The following NCOA4 variants were observed in gnomAD, a reference collection of about 807,000 sequenced individuals.
The protein encoded by NCOA4 is nuclear receptor coactivator 4.
NCOA4 carries 31 observed loss-of-function variants against 69.5 expected under a neutral mutation model. The ratio of observed to expected loss-of-function variants is 0.45; its 90% confidence interval spans 0.34 to 0.60. NCOA4 has a LOEUF of 0.60. Among genes scored for constraint, NCOA4 ranks in the 20% least tolerant of loss-of-function variants. The pLI is 0.02. For synonymous variants in NCOA4, 228 were observed against 252.4 expected (o/e 0.90, Z 0.92); for missense variants, 600 against 719.2 (o/e 0.83, Z 1.90).
At chr10:46,016,042 G>A (rs1409283052) in intron 2 of NCOA4, among the ~76,000 whole-genome samples, 3 of 152,052 alleles carry the variant, frequency 2.0e-5, no homozygotes, top group Non-Finnish European at 4.4e-5. Flanking sequence ...GTAATACTTG[G>A]TCTAACACAC....
In NCOA4 at chr10:46,012,870, A is replaced by G; in HGVS notation, c.714+13T>C. The G allele has an allele frequency of 6.2e-7, 1 of 1,613,686 alleles. No homozygotes were observed. The highest frequency in any genetic ancestry group is 8.5e-7 in the Non-Finnish European group (1 of 1,179,796). The stretch of plus-strand genomic sequence containing the variant: ...CTGTGTCTACTGTAGAAACAATAAA[A>G]GCAGCAACAGACCTGACTGTTCTCC... On this transcript the variant is annotated intron_variant, in intron 7 of 9. Transcript: ENST00000581486.
chr10:46,010,286 C>A lies in NCOA4; in HGVS notation c.1635G>T (p.Lys545Asn), dbSNP rs782501366. Residue 545 changes from lysine (K) to asparagine (N), a missense_variant, in exon 8 of 10, where the codon AAG becomes AAT. By Grantham distance (94) the Lys-to-Asn change is moderately conservative. Transcript: ENST00000581486. ...AAGATAACTGGCTGAGGTTGCCCAT[C>A]TTCTTTCCTGGCAGGACCCAGTCAG... ...NTADWVLPGK[K>N]MGNLSQLSSG... is the part of the protein sequence containing the mutation. The A allele has an allele frequency of 2.4e-5, 38 of 1,613,924 alleles. No individual in the cohort carries two copies. The highest frequency in any genetic ancestry group is 6.8e-6 in the Non-Finnish European group (8 of 1,179,964).
chr10:46,029,244 A>T (rs1219633872), intron 1 of NCOA4, among the ~76,000 whole-genome samples: 1 of 152,190 alleles, frequency 6.6e-6, no homozygotes, highest in African/African-American at 2.4e-5. Context: ...TTTTCCTTAG[A>T]GACCCAAGGA....
intron 1 of NCOA4, 146 bp from the exon 2 acceptor site, chr10:46,016,840 C>T (rs1554923375): frequency 4.4e-6 from 2 of 459,436 alleles, no homozygotes; most frequent in African/African-American, 2.0e-5. Context: ...ACATAAGATA[C>T]TCTTAATAAA....
At chr10:46,027,775 G>C (rs1554925811) in intron 1 of NCOA4, among the ~76,000 whole-genome samples, 1 of 152,162 alleles carries the variant, frequency 6.6e-6, no homozygotes, top group African/African-American at 2.4e-5. Flanking sequence ...TTGAGAAAGT[G>C]CTCTCTGAAC....
intron 1 of NCOA4, chr10:46,027,326 G>T: frequency 1.1e-6 from 1 of 893,318 alleles, no homozygotes; most frequent in Non-Finnish European, 1.7e-6. Context: ...ATTCATATCA[G>T]AAGTTAAGCA....
chr10:46,015,094 T>C (rs1839459462), intron 3 of NCOA4, 32 bp downstream of exon 3: 1 of 1,614,054 alleles, frequency 6.2e-7, no homozygotes, highest in African/African-American at 1.3e-5. Context: ...GAAGCCATGC[T>C]CAAACCAATT....
chr10:46,023,473 CG>C (rs1429746521), intron 1 of NCOA4: 1 of 985,500 alleles, frequency 1.0e-6, no homozygotes, highest in Non-Finnish European at 1.2e-6. Flanking sequence ...GGGCCACTAG[CG>C]AGCTGGAGCG....
In NCOA4 at chr10:46,024,328, T is replaced by G. The variant is rs191663870; in HGVS notation, c.-15+6198A>C. 3.2e-3 allele frequency among the ~76,000 whole-genome samples: 495 copies of G among 152,354 alleles called. 2 individuals are homozygous for G. Among genetic ancestry groups the G allele is most frequent in the African/African-American group, 0.011 (468 of 41,578 alleles). On this transcript the variant is annotated intron_variant, in intron 1 of 9. Transcript: ENST00000581486. ...AGGAATTCTATTAAAATATAACTCA[T>G]GTCAGGAACTTTCATCTATTTTATG...
intron 1 of NCOA4, among the ~76,000 whole-genome samples, chr10:46,023,708 C>T (rs1840022658): frequency 6.6e-6 from 1 of 152,178 alleles, no homozygotes; most frequent in Non-Finnish European, 1.5e-5. Flanking sequence ...TTGCTCCACC[C>T]GATAATGGGC....
intron 1 of NCOA4, among the ~76,000 whole-genome samples, chr10:46,017,588 TTA>T (rs1251370529): frequency 6.6e-6 from 1 of 152,058 alleles, no homozygotes; most frequent in Non-Finnish European, 1.5e-5. Context: ...GATACATGTT[TTA>T]TATAGAGAGA....
At chr10:46,020,119 C>T (rs976687078) in intron 1 of NCOA4, among the ~76,000 whole-genome samples, 1 of 152,196 alleles carries the variant, frequency 6.6e-6, no homozygotes, top group Non-Finnish European at 1.5e-5. Context: ...GCCAGCTGTA[C>T]GAAATGTTAC....
rs753967214 is a variant in NCOA4 at position 46,007,886 on chromosome 10, G to C, written c.1840-1289C>G. On this transcript the variant is annotated intron_variant, in intron 9 of 9. Coordinates refer to ENST00000581486, the MANE Select transcript of NCOA4 (RefSeq NM_001145263.2). ...TTGCAGGCCTGAGCCACTGCACCTG[G>C]CCACTGGTGGCTAAGTTGAAGCCAG... Among the ~76,000 whole-genome samples the C allele has an allele frequency of 1.1e-4, 17 of 152,078 alleles. 2 individuals carry two copies. The highest frequency in any genetic ancestry group is 1.8e-4 in the Non-Finnish European group (12 of 68,010).
intron 1 of NCOA4, among the ~76,000 whole-genome samples, chr10:46,020,024 C>T (rs192373449): frequency 2.4e-4 from 36 of 152,300 alleles, no homozygotes; most frequent in Non-Finnish European, 4.3e-4. Context: ...AAGGCTTGCC[C>T]TCTTGCACTG....
At chr10:46,012,088 AAAAAAAAAAAAAAAACG>A (rs1839260061) in intron 7 of NCOA4, among the ~76,000 whole-genome samples, 2 of 139,100 alleles carry the variant, frequency 1.4e-5, no homozygotes, top group African/African-American at 6.1e-5. Context: ...AAAAAAAAAA[AAAAAAAAAAAAAAAACG>A]AAAAAAGAAA....
intron 1 of NCOA4, among the ~76,000 whole-genome samples, chr10:46,028,020 G>A (rs1840251640): frequency 6.6e-6 from 1 of 152,088 alleles, no homozygotes; most frequent in African/African-American, 2.4e-5. Flanking sequence ...TCTCTCTCCA[G>A]GACTCTTGCA....
At chr10:46,029,930 T>C (rs1297591815) in intron 1 of NCOA4, among the ~76,000 whole-genome samples, 2 of 152,192 alleles carry the variant, frequency 1.3e-5, no homozygotes, top group Non-Finnish European at 2.9e-5. Flanking sequence ...TCTTCTCAGC[T>C]GTAAAACAGA....
rs1554923274 is a variant in NCOA4, at chr10:46,016,591, A to C, written c.90T>G (p.Ala30=). ...CSDARRDLEL[A]IGGVLRAEQQ... is the part of the protein sequence containing the mutation. ...GTTCAGCCCGGAGAACTCCACCAAT[A>C]GCAAGCTCCAAGTCCCTCCGTGCAT... The change falls in exon 2 of 10, where the codon GCT becomes GCG. Residue 30 remains alanine, a synonymous_variant. Coordinates refer to ENST00000581486, the MANE Select transcript of NCOA4 (RefSeq NM_001145263.2). The C allele has an allele frequency of 6.4e-7, 1 of 1,566,340 alleles. No homozygotes were observed. The highest frequency in any genetic ancestry group is 1.2e-5 in the South Asian group (1 of 83,392).
In NCOA4 at chr10:46,009,505, G is replaced by C; in HGVS notation, c.1745C>G (p.Pro582Arg). The change falls in exon 9 of 10, where the codon CCA (proline) becomes CGA (arginine). Residue 582 changes from proline to arginine, a missense_variant. By Grantham distance (103) the Pro-to-Arg change is moderately radical. Transcript: ENST00000581486. Reference protein sequence around the residue: ...SPLQEEHNFPPDHYGLPAVCD... With the variant: ...SPLQEEHNFPRDHYGLPAVCD... ...AACTGCAGGGAGGCCATAATGGTCT[G>C]GGGGGAAGTTATGTTCCTCCTGTAG... 2 of 1,610,770 alleles carry C rather than the reference G, an allele frequency of 1.2e-6. No homozygotes were observed. Among genetic ancestry groups the C allele is most frequent in the Non-Finnish European group, 1.7e-6 (2 of 1,178,718 alleles).
Sources: gnomAD v4.1 joint callset for allele counts (sites outside exome capture counted in the v4.1 genomes callset) on GRCh38, gnomAD v4.1.1 for gene constraint, MANE v1.5 for transcripts, NCBI Gene and HGNC (gene_info 2026-07-23, HGNC 2026-07-21) for gene names.